The following SYT13 variants were observed in gnomAD, a reference collection of about 807,000 sequenced individuals.
SYT13 encodes synaptotagmin-13.
A neutral mutation model predicts 38.6 loss-of-function variants in SYT13; 21 were observed. The observed-to-expected ratio is 0.54, with a 90% CI of 0.39 to 0.78. The LOEUF is 0.78. Among genes scored for constraint, SYT13 ranks in the 30% least tolerant of loss-of-function variants. The pLI is 0.00. For synonymous variants in SYT13, 241 were observed against 237.6 expected, an observed-to-expected ratio of 1.01 and a Z score of -0.13; for missense variants, 495 against 548.7, an observed-to-expected ratio of 0.90 and a Z score of 0.98.
chr11:45,266,503 T>TACACAC lies in SYT13; in HGVS notation c.184-10618_184-10613dup, dbSNP rs68112111. On this transcript the variant is annotated intron_variant, in intron 1 of 5. Transcript: ENST00000020926. Reference sequence around the variant, plus strand: ...CATAATCCTTCCACTCCCTCTCAAATACACACACACACACACACACACACA... The same window carrying TACACAC: ...CATAATCCTTCCACTCCCTCTCAAATACACACACACACACACACACACACACACACA... Among the ~76,000 whole-genome samples, 415 of 147,386 alleles carry TACACAC rather than the reference T, an allele frequency of 2.8e-3. 1 individual carries two copies. Among genetic ancestry groups the TACACAC allele is most frequent in the African/African-American group, 6.9e-3 (277 of 40,070 alleles).
intron 1 of SYT13, chr11:45,269,600 T>A: frequency 1.9e-6 from 1 of 535,854 alleles, no homozygotes; most frequent in Non-Finnish European, 2.9e-6. Flanking sequence ...TACCCTAATA[T>A]TAACAAATAA....
chr11:45,273,318 C>T (rs980457951), intron 1 of SYT13, among the ~76,000 whole-genome samples: 2 of 152,116 alleles, frequency 1.3e-5, no homozygotes, highest in Non-Finnish European at 2.9e-5. Flanking sequence ...CCCCCAGGCA[C>T]CTAGCAGGGA....
intron 1 of SYT13, among the ~76,000 whole-genome samples, chr11:45,270,564 C>T (rs1452734536): frequency 1.3e-5 from 2 of 152,114 alleles, no homozygotes; most frequent in Non-Finnish European, 2.9e-5. Flanking sequence ...AGTTTGTACC[C>T]ATTTAAAAAT....
At chr11:45,277,434 C>T (rs1013660190) in intron 1 of SYT13, among the ~76,000 whole-genome samples, 4 of 152,214 alleles carry the variant, frequency 2.6e-5, no homozygotes, top group East Asian at 1.9e-4. Flanking sequence ...CTTATCAGTA[C>T]GTAGCTCAAT....
rs748988603 is a variant in SYT13 at position 45,254,238 on chromosome 11, A to G, written c.544+32T>C. The G allele has an allele frequency of 8.2e-6, 13 of 1,583,938 alleles. No individual in the cohort carries two copies. In the Admixed American group the frequency reaches 1.6e-4, roughly 19 times the overall value. On this transcript the variant is annotated intron_variant, in intron 3 of 5. Coordinates refer to ENST00000020926, the MANE Select transcript of SYT13 (RefSeq NM_020826.3). ...GCTTCTCCAGGGGAGATAGACACAC[A>G]GAAGCCCACGAGAGTCAAATAAGAG...
chr11:45,244,916 C>T (rs1854596818), intron 5 of SYT13, among the ~76,000 whole-genome samples: 1 of 152,172 alleles, frequency 6.6e-6, no homozygotes, highest in Non-Finnish European at 1.5e-5. Flanking sequence ...CAAACCAGGT[C>T]CATGACAACA....
At chr11:45,244,801 C>A (rs1163494307) in intron 5 of SYT13, among the ~76,000 whole-genome samples, 3 of 152,150 alleles carry the variant, frequency 2.0e-5, no homozygotes, top group African/African-American at 7.2e-5. Context: ...TAGGAAACGG[C>A]CAATACCATG....
intron 4 of SYT13, among the ~76,000 whole-genome samples, chr11:45,250,807 T>A (rs1415228763): frequency 6.6e-6 from 1 of 152,180 alleles, no homozygotes; most frequent in African/African-American, 2.4e-5. Context: ...TCTTCCCTCC[T>A]GCAGTCTGGG....
intron 1 of SYT13, among the ~76,000 whole-genome samples, chr11:45,266,503 TACAC>T (rs68112111): frequency 0.3 from 44,871 of 147,210 alleles, 6,775 homozygotes; most frequent in African/African-American, 0.36. Context: ...CCCTCTCAAA[TACAC>T]ACACACACAC....
At chr11:45,253,383 C>A (rs1244978027) in intron 3 of SYT13, among the ~76,000 whole-genome samples, 1 of 152,172 alleles carries the variant, frequency 6.6e-6, no homozygotes, top group Non-Finnish European at 1.5e-5. Context: ...ATGCAGTGAT[C>A]TTTGACAAGT....
chr11:45,251,567 C>T (rs1464204084), intron 4 of SYT13, among the ~76,000 whole-genome samples: 1 of 152,042 alleles, frequency 6.6e-6, no homozygotes, highest in Non-Finnish European at 1.5e-5. Flanking sequence ...AGACTAGTCA[C>T]CCAGAAGGTT....
Position 45,255,664 on chromosome 11 carries a change from A to G in SYT13, c.409+2T>C, listed in dbSNP as rs1854735203. ...GAAGTGCAGGGGGCAGGAGACCCCT[A>G]CCATTCTGAGGGAGGATGAACAGCT... On this transcript the variant is annotated splice_donor_variant, in intron 2 of 5. Transcript: ENST00000020926. LOFTEE classifies it high-confidence loss of function. 6.2e-7 allele frequency: 1 copy of G among 1,612,114 alleles called. No individual in the cohort carries two copies. Among genetic ancestry groups the G allele is most frequent in the Admixed American group, 1.7e-5 (1 of 59,944 alleles).
intron 2 of SYT13, among the ~76,000 whole-genome samples, chr11:45,255,087 G>A (rs1854727918): frequency 6.6e-6 from 1 of 152,050 alleles, no homozygotes; most frequent in African/African-American, 2.4e-5. Flanking sequence ...CTGAACTCCA[G>A]CCTGGGAGAC....
chr11:45,262,246 CA>C (rs1409618383), intron 1 of SYT13, among the ~76,000 whole-genome samples: 1 of 152,162 alleles, frequency 6.6e-6, no homozygotes, highest in Admixed American at 6.5e-5. Context: ...TGATTCCACT[CA>C]AATGAAATAC....
intron 1 of SYT13, among the ~76,000 whole-genome samples, chr11:45,264,328 G>A (rs1018031718): frequency 1.3e-5 from 2 of 152,114 alleles, no homozygotes; most frequent in African/African-American, 4.8e-5. Context: ...GACTTGCTTC[G>A]AATGAACAGA....
chr11:45,280,200 G>A (rs190781397), intron 1 of SYT13, among the ~76,000 whole-genome samples: 25 of 152,268 alleles, frequency 1.6e-4, no homozygotes, highest in African/African-American at 2.2e-4. Flanking sequence ...CAGAGAAGGC[G>A]TTGCTCTAGA....
intron 1 of SYT13, among the ~76,000 whole-genome samples, chr11:45,281,051 C>T (rs960414503): frequency 1.3e-5 from 2 of 152,000 alleles, no homozygotes; most frequent in Non-Finnish European, 2.9e-5. Flanking sequence ...AAAAGATTAG[C>T]CGGGCATGGT....
chr11:45,261,281 A>G (rs1854811566), intron 1 of SYT13, among the ~76,000 whole-genome samples: 1 of 152,256 alleles, frequency 6.6e-6, no homozygotes, highest in East Asian at 1.9e-4. Context: ...TGTAAAATGT[A>G]TCACTGCTGT....
chr11:45,244,449 G>A, intron 5 of SYT13, 93 bp from the exon 6 acceptor site: 1 of 1,432,038 alleles, frequency 7.0e-7, no homozygotes, highest in Non-Finnish European at 9.4e-7. Context: ...CTCCCTCCTG[G>A]TGCTGGAAAG....
Sources: gnomAD v4.1 joint callset for allele counts (sites outside exome capture counted in the v4.1 genomes callset) on GRCh38, gnomAD v4.1.1 for gene constraint, MANE v1.5 for transcripts, NCBI Gene and HGNC (gene_info 2026-07-23, HGNC 2026-07-21) for gene names.